The following CSMD1 variants were observed in gnomAD, a reference collection of about 807,000 sequenced individuals.
CSMD1 encodes CUB and sushi domain-containing protein 1.
Under a neutral mutation model 417.5 loss-of-function variants are expected in CSMD1, and 213 were observed. The ratio of observed to expected loss-of-function variants is 0.51; its 90% CI spans 0.46 to 0.57. CSMD1 has a LOEUF of 0.57. Ranked by LOEUF, CSMD1 falls within the 20% of genes least tolerant of loss-of-function variation. CSMD1 has a pLI of 0.00. For synonymous variants in CSMD1, 2,862 were observed against 1,736.8 expected (o/e 1.65, Z -16.11); for missense variants, 6,923 against 4,529.7 (o/e 1.53, Z -15.17).
chr8:4,085,613 C>T (rs895208922), intron 3 of CSMD1, among the ~76,000 whole-genome samples: 2 of 152,116 alleles, frequency 1.3e-5, no homozygotes, highest in African/African-American at 4.8e-5. Flanking sequence ...TTGTGGGAAC[C>T]TCACGGGAAC....
At chr8:4,215,585 T>C (rs974410442) in intron 3 of CSMD1, among the ~76,000 whole-genome samples, 66 of 152,252 alleles carry the variant, frequency 4.3e-4, no homozygotes, top group African/African-American at 1.5e-3. Context: ...TTCCCTAAAA[T>C]TTATACATGA....
chr8:3,248,955 T>A (rs962508373), intron 26 of CSMD1, among the ~76,000 whole-genome samples: 1 of 152,060 alleles, frequency 6.6e-6, no homozygotes, highest in Non-Finnish European at 1.5e-5. Flanking sequence ...TTCCCCGCAC[T>A]CCACCTCGGT....
intron 7 of CSMD1, among the ~76,000 whole-genome samples, chr8:3,657,052 G>C (rs1426455020): frequency 8.0e-6 from 1 of 125,358 alleles, no homozygotes; most frequent in African/African-American, 2.6e-5. Context: ...GGGCATTTTT[G>C]GGATAAACTT....
intron 2 of CSMD1, among the ~76,000 whole-genome samples, chr8:4,447,025 G>C (rs953701880): frequency 1.3e-5 from 2 of 152,008 alleles, no homozygotes; most frequent in Admixed American, 6.6e-5. Context: ...GGATTGTGGA[G>C]TTAACAAAAA....
intron 3 of CSMD1, among the ~76,000 whole-genome samples, chr8:4,051,508 G>T (rs1798422728): frequency 6.6e-6 from 1 of 152,086 alleles, no homozygotes; most frequent in South Asian, 2.1e-4. Context: ...GTATTTCCAT[G>T]ACCTAGCACA....
chr8:4,476,119 A>C lies in CSMD1; in HGVS notation c.303-56054T>G, dbSNP rs561073872. Among the ~76,000 whole-genome samples, 7 of 152,130 alleles carry C rather than the reference A, an allele frequency of 4.6e-5. 1 individual carries two copies. In the South Asian group the frequency reaches 1.5e-3, roughly 32 times the overall value. On this transcript the variant is annotated intron_variant, in intron 2 of 69. Transcript: ENST00000635120. ...TACATAATAGATTAAATTTATAAACAAGTTACATTAACTATTAAAAGTCTC... is the reference window on the plus strand; with the variant it reads ...TACATAATAGATTAAATTTATAAACCAGTTACATTAACTATTAAAAGTCTC...
chr8:3,547,265 C>A (rs7014024), intron 10 of CSMD1, among the ~76,000 whole-genome samples: 68,650 of 152,028 alleles, frequency 0.45, 15,818 homozygotes, highest in East Asian at 0.53. Flanking sequence ...GCACCAAGAA[C>A]AAAGACAGAA....
chr8:4,069,307 T>C (rs979653251), intron 3 of CSMD1, among the ~76,000 whole-genome samples: 1 of 152,244 alleles, frequency 6.6e-6, no homozygotes, highest in Non-Finnish European at 1.5e-5. Context: ...TGACCATTTT[T>C]AAAAACTGAA....
At chr8:4,430,808 T>G (rs1797830980) in intron 2 of CSMD1, among the ~76,000 whole-genome samples, 1 of 152,158 alleles carries the variant, frequency 6.6e-6, no homozygotes, top group Non-Finnish European at 1.5e-5. Flanking sequence ...TAACAGCGTT[T>G]TTCCTGTCAA....
chr8:4,236,724 T>A (rs150551181), intron 3 of CSMD1, among the ~76,000 whole-genome samples: 2 of 152,208 alleles, frequency 1.3e-5, no homozygotes, highest in African/African-American at 2.4e-5. Flanking sequence ...ATAATCACTG[T>A]GCCTTCGAAG....
intron 7 of CSMD1, among the ~76,000 whole-genome samples, chr8:3,702,852 G>A (rs1246381108): frequency 9.2e-5 from 14 of 152,106 alleles, no homozygotes; most frequent in Admixed American, 9.2e-4. Context: ...TATATACAGT[G>A]TCAGTTTAAT....
At chr8:3,370,801 C>G (rs1286839371) in intron 18 of CSMD1, among the ~76,000 whole-genome samples, 1 of 152,060 alleles carries the variant, frequency 6.6e-6, no homozygotes, top group African/African-American at 2.4e-5. Context: ...ATGGCAAAAC[C>G]CCATGTTTAT....
At chr8:3,483,686 AAAGAG>A (rs905787944) in intron 11 of CSMD1, among the ~76,000 whole-genome samples, 9 of 152,302 alleles carry the variant, frequency 5.9e-5, no homozygotes, top group South Asian at 2.1e-4. Flanking sequence ...TACAAAAAAG[AAAGAG>A]AAAACTATAG....
At chr8:4,153,433 C>T (rs1448859557) in intron 3 of CSMD1, among the ~76,000 whole-genome samples, 2 of 152,146 alleles carry the variant, frequency 1.3e-5, no homozygotes, top group African/African-American at 2.4e-5. Context: ...GCCTGTGCCC[C>T]GCACTTAGCA....
intron 5 of CSMD1, among the ~76,000 whole-genome samples, chr8:3,913,520 G>A (rs1002325876): frequency 6.6e-6 from 1 of 152,138 alleles, no homozygotes; most frequent in South Asian, 2.1e-4. Flanking sequence ...GTTTCAGAAA[G>A]GATGGAGCGA....
At chr8:2,985,724 T>C (rs1805837377) in intron 54 of CSMD1, among the ~76,000 whole-genome samples, 1 of 152,054 alleles carries the variant, frequency 6.6e-6, no homozygotes, top group Admixed American at 6.5e-5. Context: ...CTCAAGGAGC[T>C]CAGTGGGAAA....
At chr8:4,965,832 C>G (rs1375286917) in intron 1 of CSMD1, among the ~76,000 whole-genome samples, 2 of 152,082 alleles carry the variant, frequency 1.3e-5, no homozygotes, top group African/African-American at 4.8e-5. Flanking sequence ...ATAAATGCAT[C>G]TTCATGTTGA....
At chr8:3,865,707 T>A (rs1805045966) in intron 5 of CSMD1, among the ~76,000 whole-genome samples, 1 of 152,148 alleles carries the variant, frequency 6.6e-6, no homozygotes, top group African/African-American at 2.4e-5. Flanking sequence ...GAGCAGTAAA[T>A]ACAACAACAA....
At chr8:4,108,973 G>A (rs1006113839) in intron 3 of CSMD1, among the ~76,000 whole-genome samples, 1 of 152,118 alleles carries the variant, frequency 6.6e-6, no homozygotes, top group African/African-American at 2.4e-5. Flanking sequence ...AGAAACTACA[G>A]TTTTTCCGAA....
Sources: allele counts gnomAD v4.1 joint callset (sites outside exome capture counted in the v4.1 genomes callset), GRCh38; gene constraint gnomAD v4.1.1; transcripts MANE v1.5; gene names NCBI Gene and HGNC (gene_info 2026-07-23, HGNC 2026-07-21).